Variants in CMIP observed in about 807,000 individuals in gnomAD.
CMIP encodes c-Maf inducing protein.
A neutral mutation model predicts 97.3 loss-of-function variants in CMIP; 13 were observed. That is an observed-to-expected ratio of 0.13 (90% CI 0.09 to 0.21). CMIP has a LOEUF of 0.21. Ranked by LOEUF, CMIP falls within the 10% of genes least tolerant of loss-of-function variation. CMIP has a pLI of 1.00. For missense variants in CMIP, 847 were observed against 1,024.9 expected, an observed-to-expected ratio of 0.83 and a Z score of 2.37; for synonymous variants, 538 against 436.3, an observed-to-expected ratio of 1.23 and a Z score of -2.91.
At chr16:81,508,805 A>G (rs974005224) in intron 1 of CMIP, among the ~76,000 whole-genome samples, 2 of 152,222 alleles carry the variant, frequency 1.3e-5, no homozygotes, top group African/African-American at 4.8e-5. Flanking sequence ...GGACCCACGT[A>G]GGCCCCAGGA....
chr16:81,601,285 C>G (rs2091652782), intron 1 of CMIP, among the ~76,000 whole-genome samples: 1 of 152,198 alleles, frequency 6.6e-6, no homozygotes, highest in East Asian at 1.9e-4. Context: ...GATTCGTATT[C>G]ACTTTGAGAG....
intron 7 of CMIP, 26 bp from the exon 8 acceptor site, chr16:81,670,116 A>T: frequency 6.3e-7 from 1 of 1,591,526 alleles, no homozygotes; most frequent in South Asian, 1.1e-5. Flanking sequence ...CACCGTCCCG[A>T]CTCCTGTCCT....
chr16:81,449,597 C>T (rs1431359911), intron 1 of CMIP, among the ~76,000 whole-genome samples: 1 of 152,090 alleles, frequency 6.6e-6, no homozygotes, highest in East Asian at 1.9e-4. Flanking sequence ...GTTACATACC[C>T]CCCTTCCCCC....
intron 1 of CMIP, among the ~76,000 whole-genome samples, chr16:81,526,715 A>G (rs185614964): frequency 2.6e-5 from 4 of 152,348 alleles, no homozygotes; most frequent in African/African-American, 9.6e-5. Context: ...GGCACAAAAA[A>G]GCTTAGGAAG....
chr16:81,581,805 G>A (rs1045471610), intron 1 of CMIP, among the ~76,000 whole-genome samples: 1 of 152,168 alleles, frequency 6.6e-6, no homozygotes, highest in African/African-American at 2.4e-5. Flanking sequence ...TGGGACCCAG[G>A]GAGCCTGATC....
At chr16:81,583,700 G>A (rs886976101) in intron 1 of CMIP, among the ~76,000 whole-genome samples, 6 of 152,092 alleles carry the variant, frequency 3.9e-5, no homozygotes, top group East Asian at 1.9e-4. Flanking sequence ...TCTGTCTGTC[G>A]TTGCAGAGGC....
intron 2 of CMIP, among the ~76,000 whole-genome samples, chr16:81,613,297 C>G (rs918923911): frequency 1.3e-5 from 2 of 151,452 alleles, no homozygotes; most frequent in African/African-American, 4.9e-5. Context: ...CACGGATGTC[C>G]CAACCCAAGT....
At chr16:81,626,380 T>C (rs2092063560) in intron 3 of CMIP, among the ~76,000 whole-genome samples, 1 of 150,798 alleles carries the variant, frequency 6.6e-6, no homozygotes, top group South Asian at 2.1e-4. Flanking sequence ...GTGTGGTGAC[T>C]ATTTTATGAG....
chr16:81,536,077 C>T (rs1487915634), intron 1 of CMIP, among the ~76,000 whole-genome samples: 3 of 152,188 alleles, frequency 2.0e-5, no homozygotes, highest in African/African-American at 7.2e-5. Context: ...GGACCCGAAG[C>T]ATCCCCCGAC....
intron 7 of CMIP, among the ~76,000 whole-genome samples, chr16:81,667,769 AG>A (rs2092620675): frequency 5.2e-5 from 3 of 57,896 alleles, no homozygotes; most frequent in African/African-American, 1.3e-4. Context: ...GGAGAGAAAG[AG>A]AGAGAGAGAG....
intron 18 of CMIP, among the ~76,000 whole-genome samples, chr16:81,705,072 C>T (rs749718581): frequency 2.0e-5 from 3 of 152,138 alleles, no homozygotes; most frequent in Non-Finnish European, 4.4e-5. Context: ...CTTCACTGCA[C>T]ACCTGTGAAG....
At chr16:81,467,273 A>G (rs1166374838) in intron 1 of CMIP, among the ~76,000 whole-genome samples, 2 of 152,166 alleles carry the variant, frequency 1.3e-5, no homozygotes, top group African/African-American at 4.8e-5. Flanking sequence ...CCCATCCCAG[A>G]TGAGGCGCTT....
chr16:81,535,629 C>T (rs2090328192), intron 1 of CMIP, among the ~76,000 whole-genome samples: 1 of 152,050 alleles, frequency 6.6e-6, no homozygotes, highest in South Asian at 2.1e-4. Context: ...AGTAATAATA[C>T]AATTATTATT....
chr16:81,482,940 G>C (rs190151597), intron 1 of CMIP, among the ~76,000 whole-genome samples: 51 of 152,364 alleles, frequency 3.3e-4, no homozygotes, highest in Admixed American at 2.0e-3. Flanking sequence ...TGGCGGTGGC[G>C]CGTCCACTGT....
At chr16:81,578,620 T>C (rs1440943767) in intron 1 of CMIP, among the ~76,000 whole-genome samples, 2 of 152,202 alleles carry the variant, frequency 1.3e-5, no homozygotes, top group African/African-American at 4.8e-5. Flanking sequence ...AAGTATGAAA[T>C]CTCCATGCCA....
chr16:81,461,762 C>T (rs1012323340), intron 1 of CMIP, among the ~76,000 whole-genome samples: 8 of 152,234 alleles, frequency 5.3e-5, no homozygotes, highest in Non-Finnish European at 1.0e-4. Context: ...CACATCCCAG[C>T]AATGCCTCTT....
At chr16:81,634,350 C>T (rs2092206881) in intron 3 of CMIP, among the ~76,000 whole-genome samples, 1 of 152,238 alleles carries the variant, frequency 6.6e-6, no homozygotes, top group South Asian at 2.1e-4. Flanking sequence ...TCAGATTAAC[C>T]TTCTCATGCA....
chr16:81,490,120 CAG>C (rs2089382532), intron 1 of CMIP, among the ~76,000 whole-genome samples: 1 of 152,182 alleles, frequency 6.6e-6, no homozygotes, highest in Admixed American at 6.5e-5. Flanking sequence ...TGACATCCCT[CAG>C]GGGCTGTAAG....
chr16:81,477,559 C>T (rs556039950), intron 1 of CMIP, among the ~76,000 whole-genome samples: 2 of 152,348 alleles, frequency 1.3e-5, no homozygotes, highest in East Asian at 1.9e-4. Context: ...TGTGTGAAGG[C>T]GGCTGGACTG....
Sources: allele counts gnomAD v4.1 joint callset (sites outside exome capture counted in the v4.1 genomes callset), GRCh38; gene constraint gnomAD v4.1.1; transcripts MANE v1.5; gene names NCBI Gene and HGNC (gene_info 2026-07-23, HGNC 2026-07-21).